Variants in ANO4 observed in about 807,000 individuals in gnomAD.
ANO4 encodes the protein anoctamin 4.
Under a neutral mutation model 141.9 loss-of-function variants are expected in ANO4, and 69 were observed. The observed-to-expected ratio is 0.49, with a 90% CI of 0.40 to 0.59. ANO4 has a LOEUF of 0.59. ANO4 is among the 20% of genes least tolerant of loss of function. ANO4 has a pLI of 0.00. For missense variants in ANO4, 894 were observed against 1,162.2 expected, an observed-to-expected ratio of 0.77 and a Z score of 3.36; for synonymous variants, 350 against 394.3, an observed-to-expected ratio of 0.89 and a Z score of 1.33.
intron 3 of ANO4, among the ~76,000 whole-genome samples, chr12:100,787,430 T>G (rs1353359167): frequency 6.6e-6 from 1 of 152,104 alleles, no homozygotes; most frequent in Non-Finnish European, 1.5e-5. Context: ...AAGTGGGGAA[T>G]GATGGCAAGA....
intron 1 of ANO4, among the ~76,000 whole-genome samples, chr12:100,876,420 A>C (rs1211310500): frequency 6.6e-6 from 1 of 152,226 alleles, no homozygotes; most frequent in Non-Finnish European, 1.5e-5. Flanking sequence ...CTATGGCCAC[A>C]GTTTCCCCCT....
At chr12:100,723,550 G>A (rs2030962268) in intron 1 of ANO4, among the ~76,000 whole-genome samples, 1 of 152,176 alleles carries the variant, frequency 6.6e-6, no homozygotes, top group South Asian at 2.1e-4. Context: ...TAGGAGGAAA[G>A]AATAGGTCTT....
upstream of ANO4, among the ~76,000 whole-genome samples, chr12:100,793,984 C>T (rs1309316202): frequency 6.6e-6 from 1 of 152,070 alleles, no homozygotes; most frequent in Non-Finnish European, 1.5e-5. Context: ...TATTGTTTAT[C>T]CCAAACACAT....
chr12:101,021,510 A>G (rs2046527498), intron 9 of ANO4, among the ~76,000 whole-genome samples: 1 of 152,200 alleles, frequency 6.6e-6, no homozygotes, highest in Non-Finnish European at 1.5e-5. Context: ...CAAAGCAGGC[A>G]ATGAAGGTGC....
intron 5 of ANO4, among the ~76,000 whole-genome samples, chr12:100,951,070 A>G (rs79705733): frequency 0.083 from 12,673 of 152,262 alleles, 699 homozygotes; most frequent in African/African-American, 0.14. Flanking sequence ...GTGGCCAACA[A>G]GCATATTAAA....
chr12:101,016,594 T>C (rs2046325869), intron 8 of ANO4, among the ~76,000 whole-genome samples: 1 of 152,180 alleles, frequency 6.6e-6, no homozygotes, highest in Non-Finnish European at 1.5e-5. Flanking sequence ...GATGGTCAGC[T>C]CATTTGATCC....
intron 5 of ANO4, among the ~76,000 whole-genome samples, chr12:100,946,012 G>A (rs1327403125): frequency 6.6e-6 from 1 of 152,230 alleles, no homozygotes; most frequent in Non-Finnish European, 1.5e-5. Context: ...AAAGCAGGAA[G>A]TGTTGAGAGG....
At chr12:100,875,164 A>G (rs2039235789) in intron 1 of ANO4, among the ~76,000 whole-genome samples, 1 of 152,092 alleles carries the variant, frequency 6.6e-6, no homozygotes. Context: ...GTGCCTGCCC[A>G]CCTCATGTCG....
At chr12:101,104,630 T>TGG (rs2050354847) in intron 22 of ANO4, among the ~76,000 whole-genome samples, 1 of 26,814 alleles carries the variant, frequency 3.7e-5, no homozygotes, top group African/African-American at 3.4e-4. Context: ...TATGTGTGTA[T>TGG]ATATATATAT....
intron 16 of ANO4, among the ~76,000 whole-genome samples, chr12:101,084,593 C>G (rs1045211666): frequency 2.6e-5 from 4 of 152,124 alleles, no homozygotes; most frequent in African/African-American, 7.2e-5. Context: ...CAAATTCAGA[C>G]AGGCTACTCC....
At chr12:100,838,948 T>C (rs941632738) in intron 1 of ANO4, among the ~76,000 whole-genome samples, 4 of 152,126 alleles carry the variant, frequency 2.6e-5, no homozygotes, top group African/African-American at 9.7e-5. Flanking sequence ...TATAGTTAGA[T>C]GAAACAGAAG....
intron 5 of ANO4, among the ~76,000 whole-genome samples, chr12:100,966,818 TATATATATACAC>T (rs1592864569): frequency 1.4e-5 from 2 of 137,978 alleles, no homozygotes; most frequent in Non-Finnish European, 3.1e-5. Context: ...CACACACACA[TATATATATACAC>T]ATATATATAC....
rs576678578 is a variant in ANO4, at chr12:100,983,662, G to C, written c.603-3877G>C. ...TCTTTTCATCTTCAAAGCCAGCAATGGTGGGTCAAGTGCTTCTCAAACTTT... is the reference window on the plus strand; with the variant it reads ...TCTTTTCATCTTCAAAGCCAGCAATCGTGGGTCAAGTGCTTCTCAAACTTT... On this transcript the variant is annotated intron_variant, in intron 7 of 27. Transcript: ENST00000392977. Among the ~76,000 whole-genome samples the C allele has an allele frequency of 5.9e-5, 9 of 152,264 alleles. No homozygotes were observed. The East Asian group carries it at 1.2e-3, about 20-fold the overall frequency.
At chr12:101,086,850 A>C in intron 17 of ANO4, 26 bp downstream of exon 17, 1 of 1,607,820 alleles carries the variant, frequency 6.2e-7, no homozygotes, top group African/African-American at 1.3e-5. Context: ...TGGCTAGCCA[A>C]ACGGATCAAA....
At chr12:100,967,411 A>G (rs1009862980) in intron 5 of ANO4, among the ~76,000 whole-genome samples, 2 of 152,162 alleles carry the variant, frequency 1.3e-5, no homozygotes, top group Non-Finnish European at 2.9e-5. Context: ...TATGGGCCAT[A>G]TAATTAGCAA....
chr12:100,872,271 A>G (rs75462666), intron 1 of ANO4, among the ~76,000 whole-genome samples: 6,002 of 152,256 alleles, frequency 0.039, 345 homozygotes, highest in African/African-American at 0.13. Context: ...ACATAATAAA[A>G]CAATTGCATC....
intron 5 of ANO4, among the ~76,000 whole-genome samples, chr12:100,967,943 G>T (rs2043751617): frequency 6.6e-6 from 1 of 152,106 alleles, no homozygotes. Flanking sequence ...CTCTGTCTGG[G>T]GTAAACATTC....
intron 26 of ANO4, among the ~76,000 whole-genome samples, chr12:101,122,374 G>A (rs2137064535): frequency 6.6e-6 from 1 of 152,238 alleles, no homozygotes; most frequent in East Asian, 1.9e-4. Flanking sequence ...CTCTTGCTGT[G>A]CAGAAGCTCT....
chr12:100,811,408 T>C (rs1217532519), intron 1 of ANO4, among the ~76,000 whole-genome samples: 1 of 152,220 alleles, frequency 6.6e-6, no homozygotes, highest in Non-Finnish European at 1.5e-5. Context: ...CAAATAAGTA[T>C]ATTTTTGTAA....
Sources: gnomAD v4.1 joint callset for allele counts (sites outside exome capture counted in the v4.1 genomes callset) on GRCh38, gnomAD v4.1.1 for gene constraint, MANE v1.5 for transcripts, NCBI Gene and HGNC (gene_info 2026-07-23, HGNC 2026-07-21) for gene names.